FBXO36: variants seen among roughly 807,000 people sequenced by gnomAD.
FBXO36 encodes F-box protein 36, also known as F-box only protein 36.
FBXO36 carries 18 observed loss-of-function variants against 17.0 expected under a neutral mutation model. The observed-to-expected ratio is 1.06, with a 90% CI of 0.73 to 1.57. The LOEUF is 1.57. Ranked by LOEUF, FBXO36 falls within the 40% of genes most tolerant of loss-of-function variation. FBXO36 has a pLI of 0.00. For missense variants in FBXO36, 229 were observed against 221.9 expected (o/e 1.03, Z -0.20); for synonymous variants, 83 against 85.3 (o/e 0.97, Z 0.15).
chr2:229,986,276 G>A (rs949440073), intron 2 of FBXO36, among the ~76,000 whole-genome samples: 1 of 152,108 alleles, frequency 6.6e-6, no homozygotes, highest in Non-Finnish European at 1.5e-5. Flanking sequence ...GAGGCTGGAG[G>A]ATCACTTGAG....
intron 2 of FBXO36, among the ~76,000 whole-genome samples, chr2:229,995,749 C>A (rs947243674): frequency 4.0e-5 from 6 of 151,690 alleles, no homozygotes; most frequent in Non-Finnish European, 5.9e-5. Flanking sequence ...TGTGCCACCA[C>A]GCCTGGCTAA....
intron 2 of FBXO36, among the ~76,000 whole-genome samples, chr2:229,993,005 G>C (rs2077305715): frequency 6.6e-6 from 1 of 152,170 alleles, no homozygotes; most frequent in Non-Finnish European, 1.5e-5. Flanking sequence ...TATCTGAGGG[G>C]TCTGGGGAGT....
At chr2:229,975,811 G>C (rs373079148) in intron 1 of FBXO36, among the ~76,000 whole-genome samples, 1 of 98,080 alleles carries the variant, frequency 1.0e-5, no homozygotes, top group African/African-American at 3.8e-5. Flanking sequence ...TTTTTTTGGT[G>C]GGGGGGCGGG....
intron 2 of FBXO36, among the ~76,000 whole-genome samples, chr2:229,986,637 C>T (rs1577356225): frequency 6.7e-6 from 1 of 150,300 alleles, no homozygotes; most frequent in African/African-American, 2.4e-5. Context: ...TGGGTTCAAG[C>T]GATTCTCCTG....
At chr2:229,996,972 T>TA in intron 3 of FBXO36, 49 bp downstream of exon 3, 3 of 1,558,916 alleles carry the variant, frequency 1.9e-6, no homozygotes, top group Non-Finnish European at 2.6e-6. Context: ...ATGTGCTTTC[T>TA]AAAAAAAATT....
chr2:229,956,349 C>T (rs2077087142), intron 1 of FBXO36, among the ~76,000 whole-genome samples: 2 of 152,146 alleles, frequency 1.3e-5, no homozygotes, highest in South Asian at 2.1e-4. Flanking sequence ...GGAACTTTCC[C>T]ATCACCCTCT....
Position 230,010,899 on chromosome 2 carries a change from A to G in FBXO36, c.*15A>G, listed in dbSNP as rs1332946405. 6.3e-7 allele frequency: 1 copy of G among 1,592,536 alleles called. No individual in the cohort carries two copies. The highest frequency in any genetic ancestry group is 1.7e-5 in the Admixed American group (1 of 57,402). On this transcript the variant is annotated 3_prime_UTR_variant, in exon 4 of 4. Transcript: ENST00000283946. ...AGCAACCTTAGGCACACATTTTCCT[A>G]CCAGCAGGGAGCTCAGGCATGGCTG...
At chr2:229,964,828 G>A (rs1211400353) in intron 1 of FBXO36, among the ~76,000 whole-genome samples, 1 of 152,102 alleles carries the variant, frequency 6.6e-6, no homozygotes, top group Non-Finnish European at 1.5e-5. Flanking sequence ...GCGTGTATCA[G>A]TATTTCTTTT....
At chr2:229,972,923 G>A (rs539498353) in intron 1 of FBXO36, among the ~76,000 whole-genome samples, 35 of 151,872 alleles carry the variant, frequency 2.3e-4, no homozygotes, top group Non-Finnish European at 3.5e-4. Context: ...TTAGCCAGGC[G>A]TGGTGGCGTG....
intron 3 of FBXO36, among the ~76,000 whole-genome samples, chr2:230,005,532 A>G (rs991522025): frequency 6.6e-6 from 1 of 152,238 alleles, no homozygotes; most frequent in Non-Finnish European, 1.5e-5. Flanking sequence ...TAAAATACTC[A>G]AAGAAATATA....
intron 3 of FBXO36, among the ~76,000 whole-genome samples, chr2:230,003,532 T>G (rs1328817374): frequency 2.2e-5 from 2 of 92,282 alleles, no homozygotes; most frequent in African/African-American, 6.6e-5. Context: ...TCAGGTGTTC[T>G]TCTTCTTTTT....
At chr2:229,950,032 G>C (rs899021158) in intron 1 of FBXO36, among the ~76,000 whole-genome samples, 24 of 152,202 alleles carry the variant, frequency 1.6e-4, no homozygotes, top group Non-Finnish European at 2.8e-4. Context: ...ATTAATCATA[G>C]CATGTAGCTT....
At chr2:229,948,756 A>G (rs1168024630) in intron 1 of FBXO36, among the ~76,000 whole-genome samples, 3 of 152,228 alleles carry the variant, frequency 2.0e-5, no homozygotes, top group East Asian at 3.8e-4. Context: ...AAATTCTGAA[A>G]GTGACGGAAA....
At chr2:229,979,515 C>T (rs533376013) in intron 2 of FBXO36, among the ~76,000 whole-genome samples, 1 of 151,816 alleles carries the variant, frequency 6.6e-6, no homozygotes, top group Non-Finnish European at 1.5e-5. Flanking sequence ...TGCAGTGGCT[C>T]ATACCTATAA....
intron 1 of FBXO36, among the ~76,000 whole-genome samples, chr2:229,964,956 A>C (rs2077143431): frequency 6.6e-6 from 1 of 152,196 alleles, no homozygotes; most frequent in Non-Finnish European, 1.5e-5. Context: ...CATTTCTACT[A>C]TAAAGGTCTT....
intron 1 of FBXO36, among the ~76,000 whole-genome samples, chr2:229,951,936 T>C (rs2077059588): frequency 6.6e-6 from 1 of 152,216 alleles, no homozygotes; most frequent in Non-Finnish European, 1.5e-5. Flanking sequence ...CTCATAAATA[T>C]TGACACGAAA....
chr2:230,005,075 C>T lies in FBXO36; in HGVS notation c.379-5621C>T, dbSNP rs1346441848. On this transcript the variant is annotated intron_variant, in intron 3 of 3. Coordinates refer to ENST00000283946, the MANE Select transcript of FBXO36 (RefSeq NM_174899.5). ...TAAAAAAATTGCCATAGGATATCAGCGCATGGACAGATTATTTATTTATTT... is the reference window on the plus strand; with the variant it reads ...TAAAAAAATTGCCATAGGATATCAGTGCATGGACAGATTATTTATTTATTT... 2.0e-5 allele frequency among the ~76,000 whole-genome samples: 3 copies of T among 152,160 alleles called. No homozygotes were observed. The East Asian group carries it at 5.8e-4, about 29-fold the overall frequency.
intron 3 of FBXO36, among the ~76,000 whole-genome samples, chr2:230,002,681 G>C (rs2077366338): frequency 2.0e-5 from 3 of 152,196 alleles, no homozygotes; most frequent in Non-Finnish European, 4.4e-5. Flanking sequence ...ACCATGCCCG[G>C]CATTAATTTT....
At chr2:229,926,890 C>T (rs748931963) in intron 1 of FBXO36, among the ~76,000 whole-genome samples, 2 of 151,822 alleles carry the variant, frequency 1.3e-5, no homozygotes, top group African/African-American at 2.4e-5. Flanking sequence ...ACAAGAGCCT[C>T]ACTCTGTCAT....
Sources: gnomAD v4.1 joint callset for allele counts (sites outside exome capture counted in the v4.1 genomes callset) on GRCh38, gnomAD v4.1.1 for gene constraint, MANE v1.5 for transcripts, NCBI Gene and HGNC (gene_info 2026-07-23, HGNC 2026-07-21) for gene names.